ZMYND8: variants seen among roughly 807,000 people sequenced by gnomAD.
ZMYND8 encodes MYND-type zinc finger-containing chromatin reader ZMYND8.
Under a neutral mutation model 140.8 loss-of-function variants are expected in ZMYND8, and 37 were observed. The observed-to-expected ratio is 0.26, with a 90% CI of 0.20 to 0.35. The LOEUF is 0.35. ZMYND8 is among the 10% of genes least tolerant of loss of function. The pLI is 1.00. For missense variants in ZMYND8, 1,068 were observed against 1,570.0 expected (o/e 0.68, Z 5.40); for synonymous variants, 592 against 597.1 (o/e 0.99, Z 0.12).
intron 2 of ZMYND8, among the ~76,000 whole-genome samples, chr20:47,335,457 T>A (rs2081318726): frequency 6.6e-6 from 1 of 152,024 alleles, no homozygotes; most frequent in Non-Finnish European, 1.5e-5. Flanking sequence ...CTTTCCAAAC[T>A]GATCACCTCA....
At chr20:47,282,300 C>G (rs2076653274) in intron 9 of ZMYND8, 83 bp from the exon 10 acceptor site, 1 of 1,220,882 alleles carries the variant, frequency 8.2e-7, no homozygotes, top group South Asian at 1.3e-5. Context: ...GAGGATGAAG[C>G]AGGACTGTGG....
chr20:47,236,699 A>G (rs1265419756), intron 15 of ZMYND8, among the ~76,000 whole-genome samples, 183 bp from the exon 16 acceptor site: 3 of 152,204 alleles, frequency 2.0e-5, no homozygotes, highest in Admixed American at 6.5e-5. Context: ...CTTGGCCTGG[A>G]AAGACTTGAG....
In ZMYND8 at chr20:47,265,053, C is replaced by CATATATATATATATAT. The variant is rs199638521; in HGVS notation, c.1481-2626_1481-2625insATATATATATATATAT. Among the ~76,000 whole-genome samples the CATATATATATATATAT allele has an allele frequency of 8.7e-4, 99 of 114,302 alleles. 1 individual carries two copies. The highest frequency in any genetic ancestry group is 2.6e-3 in the African/African-American group (96 of 37,070). 75.0% of individuals were successfully genotyped at this position (114,302 alleles called of 152,430 possible). ...CCCTGTCCCCAAAAAAATATATATA[C>CATATATATATATATAT]ATATATATATATATAGGCATTTTAA... On this transcript the variant is annotated intron_variant, in intron 11 of 22. Transcript: ENST00000471951.
At chr20:47,216,311 C>G (rs982635267) in intron 21 of ZMYND8, among the ~76,000 whole-genome samples, 57 of 150,188 alleles carry the variant, frequency 3.8e-4, no homozygotes, top group Non-Finnish European at 3.6e-4. Context: ...CTGGCCAACA[C>G]AGTGAAACCT....
chr20:47,265,590 G>C (rs1381390962), intron 11 of ZMYND8, among the ~76,000 whole-genome samples: 1 of 152,170 alleles, frequency 6.6e-6, no homozygotes, highest in Non-Finnish European at 1.5e-5. Context: ...ACAGGTATGT[G>C]CCACCATGCC....
At chr20:47,277,148 T>G (rs892025118) in intron 10 of ZMYND8, among the ~76,000 whole-genome samples, 3 of 152,236 alleles carry the variant, frequency 2.0e-5, no homozygotes, top group Admixed American at 1.3e-4. Flanking sequence ...TTCCTCAGGT[T>G]ACACTCAGAC....
chr20:47,289,807 G>C (rs779890946), intron 7 of ZMYND8, among the ~76,000 whole-genome samples: 5 of 152,182 alleles, frequency 3.3e-5, no homozygotes, highest in Non-Finnish European at 7.3e-5. Flanking sequence ...TGTTGAGAGT[G>C]GGTTTCCTAG....
chr20:47,305,466 C>T (rs1387648497), intron 3 of ZMYND8, among the ~76,000 whole-genome samples: 1 of 151,820 alleles, frequency 6.6e-6, no homozygotes, highest in Non-Finnish European at 1.5e-5. Flanking sequence ...GTCTCGAACT[C>T]CTGGCCTCAG....
chr20:47,231,641 C>T (rs998063404), intron 16 of ZMYND8, among the ~76,000 whole-genome samples: 7 of 152,168 alleles, frequency 4.6e-5, no homozygotes, highest in Admixed American at 4.6e-4. Context: ...TGAATAAAAT[C>T]TCTGTTGAGA....
At chr20:47,294,811 G>T in intron 4 of ZMYND8, 32 bp from the exon 5 acceptor site, 1 of 1,596,106 alleles carries the variant, frequency 6.3e-7, no homozygotes, top group Non-Finnish European at 8.6e-7. Flanking sequence ...TAAACGTCCG[G>T]TTAGAAAAAA....
At chr20:47,342,624 T>C (rs373747038) in intron 2 of ZMYND8, among the ~76,000 whole-genome samples, 3 of 150,204 alleles carry the variant, frequency 2.0e-5, no homozygotes, top group African/African-American at 7.3e-5. Flanking sequence ...GGCAGGCGGA[T>C]TGCCTGAGGT....
At chr20:47,255,763 TAC>T (rs1392976837) in intron 12 of ZMYND8, among the ~76,000 whole-genome samples, 265 of 88,906 alleles carry the variant, frequency 3.0e-3, no homozygotes, top group African/African-American at 9.4e-3. Context: ...TATATATATA[TAC>T]GGTATATATA....
chr20:47,350,251 C>G (rs1347412091), intron 1 of ZMYND8, among the ~76,000 whole-genome samples: 1 of 144,888 alleles, frequency 6.9e-6, no homozygotes, highest in Non-Finnish European at 1.5e-5. Context: ...CCCGTGCACA[C>G]ACATGCACGC....
chr20:47,282,152 T>C lies in ZMYND8; in HGVS notation c.948A>G (p.Leu316=), dbSNP rs755016751. The C allele has an allele frequency of 1.4e-5, 22 of 1,614,012 alleles. No homozygotes were observed. Among genetic ancestry groups the C allele is most frequent in the Non-Finnish European group, 1.8e-5 (21 of 1,179,992 alleles). Residue 316 remains leucine, a synonymous_variant, in exon 10 of 23, where the codon CTA becomes CTG. Transcript: ENST00000471951. ...CATCGACCTGCCCGTCTTTATCCCT[T>C]AGAGCTTTTGCAGGCCAGAATGGAA... is the stretch of plus-strand genomic sequence containing the variant. ...KGFPFWPAKA[L]RDKDGQVDAR...
At chr20:47,255,708 TAC>T (rs2074581799) in intron 12 of ZMYND8, among the ~76,000 whole-genome samples, 1 of 115,070 alleles carries the variant, frequency 8.7e-6, no homozygotes, top group Non-Finnish European at 1.7e-5. Context: ...TATATATATA[TAC>T]CGTGTATGTG....
intron 13 of ZMYND8, among the ~76,000 whole-genome samples, chr20:47,248,001 G>A (rs762498080): frequency 6.6e-6 from 1 of 152,234 alleles, no homozygotes; most frequent in African/African-American, 2.4e-5. Context: ...TGTGCTACTG[G>A]TAGGTAATGA....
intron 21 of ZMYND8, among the ~76,000 whole-genome samples, chr20:47,213,484 T>C (rs1322806503): frequency 1.3e-5 from 2 of 152,216 alleles, no homozygotes; most frequent in Non-Finnish European, 2.9e-5. Context: ...CAAGAAAGAA[T>C]TGTCACACTG....
At chr20:47,331,332 A>C (rs1160976788) in intron 2 of ZMYND8, among the ~76,000 whole-genome samples, 3 of 152,098 alleles carry the variant, frequency 2.0e-5, no homozygotes, top group Non-Finnish European at 2.9e-5. Context: ...AAGTGGAGTG[A>C]CATTTAGGAT....
At chr20:47,285,950 G>A (rs1281252956) in intron 8 of ZMYND8, 1 of 586,586 alleles carries the variant, frequency 1.7e-6, no homozygotes, top group Non-Finnish European at 2.1e-6. Flanking sequence ...CAGCGTCTTT[G>A]GAGGCTGAGG....
Sources: gnomAD v4.1 joint callset for allele counts (sites outside exome capture counted in the v4.1 genomes callset) on GRCh38, gnomAD v4.1.1 for gene constraint, MANE v1.5 for transcripts, NCBI Gene and HGNC (gene_info 2026-07-23, HGNC 2026-07-21) for gene names.